The following ENKUR variants were observed in gnomAD, a reference collection of about 807,000 sequenced individuals.
The protein encoded by ENKUR is enkurin.
Under a neutral mutation model 27.6 loss-of-function variants are expected in ENKUR, and 19 were observed. The observed-to-expected ratio is 0.69, with a 90% CI of 0.48 to 1.01. The LOEUF is 1.01. ENKUR is among the 50% of genes least tolerant of loss of function. The probability of loss-of-function intolerance (pLI) is 0.00; values close to 1 mark genes in which losing one functional copy is unlikely to be tolerated. For missense variants in ENKUR, 312 were observed against 310.5 expected (o/e 1.00, Z -0.04); for synonymous variants, 117 against 96.9 (o/e 1.21, Z -1.22).
intron 2 of ENKUR, chr10:25,021,980 A>G (rs953424751): frequency 6.6e-6 from 1 of 152,214 alleles, no homozygotes; most frequent in African/African-American, 2.4e-5. Context: ...AGTAGCATAG[A>G]AAGTCAGTAT....
At chr10:25,057,538 G>A (rs1023220788) in intron 2 of ENKUR, among the ~76,000 whole-genome samples, 5 of 152,080 alleles carry the variant, frequency 3.3e-5, no homozygotes, top group Admixed American at 2.0e-4. Flanking sequence ...TTTATTCAAT[G>A]AATTAATTGG....
rs1564358745 is a variant in ENKUR at position 25,054,525 on chromosome 10, T to TC, written c.37+6586dup. Among the ~76,000 whole-genome samples, 158 of 147,236 alleles carry TC rather than the reference T, an allele frequency of 1.1e-3. 1 individual carries two copies. Among genetic ancestry groups the TC allele is most frequent in the African/African-American group, 3.9e-3 (150 of 38,246 alleles). The stretch of plus-strand genomic sequence containing the variant: ...TCTTTCTTTCTTTCCTTTCTTTCTT[T>TC]CTTTCCTTTCTTTCTTTCTTTCCTT... On this transcript the variant is annotated intron_variant, in intron 2 of 5. Coordinates refer to the ENKUR transcript ENST00000615958.
chr10:24,997,356 C>T lies in ENKUR; in HGVS notation c.224-1487G>A, dbSNP rs971457044. 7.3e-5 allele frequency among the ~76,000 whole-genome samples: 11 copies of T among 150,908 alleles called. 1 individual carries two copies. The highest frequency in any genetic ancestry group is 2.7e-4 in the African/African-American group (11 of 41,160). On this transcript the variant is annotated intron_variant, in intron 2 of 5. Transcript: ENST00000331161. ...CTCTCATTGGACCGAGTTTTTAAAG[C>T]TTTTGCAAAACCCTGCATTCCTTTT...
At chr10:25,027,216 C>T (rs948285060) in intron 2 of ENKUR, among the ~76,000 whole-genome samples, 4 of 151,524 alleles carry the variant, frequency 2.6e-5, no homozygotes, top group Non-Finnish European at 5.9e-5. Flanking sequence ...AATAGCCGGG[C>T]GTGGTGGCAG....
chr10:25,022,204 T>C (rs1036066341), intron 2 of ENKUR, among the ~76,000 whole-genome samples: 2 of 152,164 alleles, frequency 1.3e-5, no homozygotes, highest in Admixed American at 1.3e-4. Context: ...TTTGTTTTAA[T>C]GGTGAGTATA....
chr10:25,025,204 A>G, intron 2 of ENKUR: 3 of 1,614,156 alleles, frequency 1.9e-6, no homozygotes, highest in Non-Finnish European at 2.5e-6. Flanking sequence ...TTGCCCTGTG[A>G]TTATCTCATC....
At chr10:24,986,686 G>A (rs1040359536) in intron 4 of ENKUR, among the ~76,000 whole-genome samples, 15 of 152,160 alleles carry the variant, frequency 9.9e-5, no homozygotes, top group Non-Finnish European at 1.8e-4. Context: ...TCTTTTAAAG[G>A]ATAGTTTGCT....
chr10:25,007,018 G>T (rs1850326399), intron 1 of ENKUR, among the ~76,000 whole-genome samples: 1 of 152,038 alleles, frequency 6.6e-6, no homozygotes, highest in Non-Finnish European at 1.5e-5. Context: ...TATGAATATT[G>T]GATATCCATC....
chr10:25,015,742 T>C, intron 1 of ENKUR, 118 bp downstream of exon 1: 3 of 952,772 alleles, frequency 3.1e-6, no homozygotes, highest in Non-Finnish European at 1.4e-6. Context: ...CCAAGGCTAC[T>C]TCATCGAGGC....
upstream of ENKUR, among the ~76,000 whole-genome samples, chr10:25,017,126 C>A (rs1395499294): frequency 3.3e-5 from 5 of 152,218 alleles, no homozygotes; most frequent in Admixed American, 2.6e-4. Context: ...TCTCCAGGAA[C>A]CAGTGGACCT....
chr10:25,004,175 C>T (rs1850258523), intron 1 of ENKUR, among the ~76,000 whole-genome samples: 1 of 152,204 alleles, frequency 6.6e-6, no homozygotes, highest in Non-Finnish European at 1.5e-5. Flanking sequence ...TCCAGTCTAT[C>T]ACTGATGGGC....
At chr10:25,006,677 A>G (rs1461737491) in intron 1 of ENKUR, among the ~76,000 whole-genome samples, 2 of 152,216 alleles carry the variant, frequency 1.3e-5, no homozygotes, top group African/African-American at 4.8e-5. Context: ...GGTTGTGTAT[A>G]AACACGAAAT....
At chr10:24,997,768 G>C (rs1442169384) in intron 2 of ENKUR, among the ~76,000 whole-genome samples, 3 of 150,180 alleles carry the variant, frequency 2.0e-5, no homozygotes, top group Non-Finnish European at 4.4e-5. Context: ...TTTACAAAAT[G>C]ATAGGCTTCT....
At chr10:25,052,643 G>T (rs1237149466) in intron 2 of ENKUR, among the ~76,000 whole-genome samples, 2 of 152,092 alleles carry the variant, frequency 1.3e-5, no homozygotes, top group African/African-American at 4.8e-5. Flanking sequence ...GTGGTTCTGA[G>T]AACCTGTAGT....
At chr10:25,029,400 A>G (rs1026713178) in intron 2 of ENKUR, among the ~76,000 whole-genome samples, 55 of 152,212 alleles carry the variant, frequency 3.6e-4, no homozygotes, top group African/African-American at 1.2e-3. Context: ...TCATCAAAAT[A>G]GAGTTTAGAA....
upstream of ENKUR, among the ~76,000 whole-genome samples, chr10:25,020,515 C>T (rs1850698714): frequency 6.6e-6 from 1 of 151,750 alleles, no homozygotes; most frequent in Non-Finnish European, 1.5e-5. Flanking sequence ...GCCTCTAATC[C>T]CAGCACTTTG....
At chr10:25,014,681 C>T (rs1242866485) in intron 1 of ENKUR, among the ~76,000 whole-genome samples, 1 of 152,148 alleles carries the variant, frequency 6.6e-6, no homozygotes, top group Non-Finnish European at 1.5e-5. Flanking sequence ...GAATTTGAAA[C>T]CAAAAGTTGG....
chr10:25,054,382 A>G (rs944160596), intron 2 of ENKUR, among the ~76,000 whole-genome samples: 4 of 152,218 alleles, frequency 2.6e-5, no homozygotes, highest in African/African-American at 9.6e-5. Context: ...AGATCACGCC[A>G]TTGCATTACA....
At chr10:25,038,621 G>A (rs1851031886) in intron 2 of ENKUR, among the ~76,000 whole-genome samples, 1 of 152,120 alleles carries the variant, frequency 6.6e-6, no homozygotes. Context: ...CAAATTTGGA[G>A]AGAACTCATC....
Sources: gnomAD v4.1 joint callset for allele counts (sites outside exome capture counted in the v4.1 genomes callset) on GRCh38, gnomAD v4.1.1 for gene constraint, MANE v1.5 for transcripts, NCBI Gene and HGNC (gene_info 2026-07-23, HGNC 2026-07-21) for gene names.